Variants in ARL5B observed in about 807,000 individuals in gnomAD.
ARL5B encodes the protein ARF like GTPase 5B.
In ARL5B, 10 loss-of-function variants were observed where a neutral mutation model predicts 26.9. That is an observed-to-expected ratio of 0.37 (90% CI 0.23 to 0.63). ARL5B has a LOEUF of 0.63. ARL5B is among the 30% of genes least tolerant of loss of function. The pLI is 0.62. For synonymous variants in ARL5B, 87 were observed against 70.4 expected (o/e 1.24, Z -1.18); for missense variants, 167 against 213.9 (o/e 0.78, Z 1.37).
intron 3 of ARL5B, among the ~76,000 whole-genome samples, chr10:18,669,875 C>A (rs1294858518): frequency 2.0e-5 from 3 of 151,464 alleles, no homozygotes; most frequent in African/African-American, 2.4e-5. Context: ...GACTTGTAGT[C>A]CCCAGCTACT....
chr10:18,673,254 A>G (rs7082880), intron 4 of ARL5B, among the ~76,000 whole-genome samples: 130,312 of 151,924 alleles, frequency 0.86, 56,287 homozygotes, highest in East Asian at 0.98. Flanking sequence ...TAGAGACAGG[A>G]TTTCACCATC....
At chr10:18,672,347 T>C (rs1447985307) in intron 3 of ARL5B, among the ~76,000 whole-genome samples, 2 of 152,196 alleles carry the variant, frequency 1.3e-5, no homozygotes, top group Admixed American at 6.5e-5. Flanking sequence ...AAACAAATCA[T>C]AGTATTATGT....
In ARL5B at chr10:18,675,402, C is replaced by T; in HGVS notation, c.*186C>T. 5.3e-6 allele frequency: 3 copies of T among 561,384 alleles called. No homozygotes were observed. Among genetic ancestry groups the T allele is most frequent in the Non-Finnish European group, 9.6e-6 (3 of 313,660 alleles). The allele number at this position is 561,384 out of a possible 1,614,324, so 34.8% of individuals were successfully genotyped here. A position where few individuals can be genotyped will look rare whatever the true frequency, so the allele number is the denominator to read the frequency against. ...TTTTCTTAACTTTTTTTTTTTAACA[C>T]ACTAATCTTCAGTTGGATGAATGTA... On this transcript the variant is annotated 3_prime_UTR_variant, in exon 6 of 6. Coordinates refer to ENST00000377275, the MANE Select transcript of ARL5B (RefSeq NM_178815.5).
At position 18,679,208 on chromosome 10, in the gene ARL5B, A is replaced by G. The variant is rs1590232067; in HGVS notation, c.*3992A>G. 2 of 151,940 alleles carry G rather than the reference A, an allele frequency of 1.3e-5. No homozygotes were observed. The highest frequency in any genetic ancestry group is 6.6e-5 in the Admixed American group (1 of 15,246). The allele number at this position is 151,940 out of a possible 1,614,324, so 9.4% of individuals were successfully genotyped here. On this transcript the variant is annotated 3_prime_UTR_variant, in exon 6 of 6. Transcript: ENST00000377275. Reference sequence around the variant, plus strand: ...AGAGAAAACAAGCCATATTGCTAAGAAAAGGATAGTAAGCTGCTTAGAAAG... The same window carrying G: ...AGAGAAAACAAGCCATATTGCTAAGGAAAGGATAGTAAGCTGCTTAGAAAG...
intron 1 of ARL5B, among the ~76,000 whole-genome samples, chr10:18,665,189 A>C (rs1013340826): frequency 6.6e-6 from 1 of 152,184 alleles, no homozygotes; most frequent in Non-Finnish European, 1.5e-5. Flanking sequence ...ATTAGAGGAC[A>C]TGTAGCCAAG....
At chr10:18,661,177 A>G (rs1007887907) in intron 1 of ARL5B, among the ~76,000 whole-genome samples, 1 of 152,252 alleles carries the variant, frequency 6.6e-6, no homozygotes, top group Admixed American at 6.5e-5. Flanking sequence ...ACATGCTTAA[A>G]GGTATAAAGA....
At position 18,676,076 on chromosome 10, in the gene ARL5B, T is replaced by C. The variant is rs1441351907; in HGVS notation, c.*860T>C. Reference sequence around the variant, plus strand: ...ATTGGAATATATTTTAGCATCAGTTTACAAACAACTTTATTATCAACAGAA... The same window carrying C: ...ATTGGAATATATTTTAGCATCAGTTCACAAACAACTTTATTATCAACAGAA... On this transcript the variant is annotated 3_prime_UTR_variant, in exon 6 of 6. Transcript: ENST00000377275. The C allele has an allele frequency of 6.6e-6, 1 of 152,418 alleles. No homozygotes were observed. Among genetic ancestry groups the C allele is most frequent in the Non-Finnish European group, 1.5e-5 (1 of 67,928 alleles). 9.4% of individuals were successfully genotyped at this position (152,418 alleles called of 1,614,324 possible).
intron 3 of ARL5B, among the ~76,000 whole-genome samples, chr10:18,672,345 C>A (rs2059891713): frequency 6.6e-6 from 1 of 152,070 alleles, no homozygotes. Flanking sequence ...GAAAACAAAT[C>A]ATAGTATTAT....
In ARL5B at chr10:18,681,536, C is replaced by G. The variant is rs1173717393; in HGVS notation, c.*6320C>G. 6.6e-6 allele frequency: 1 copy of G among 152,108 alleles called. No homozygotes were observed. Among genetic ancestry groups the G allele is most frequent in the African/African-American group, 2.4e-5 (1 of 41,418 alleles). 9.4% of individuals were successfully genotyped at this position (152,108 alleles called of 1,614,324 possible). A position where few individuals can be genotyped will look rare whatever the true frequency, so the allele number is the denominator to read the frequency against. ...TGCTCTGGAATGTTCATCTTTTAGA[C>G]AGGTTTTGGCTCATTTCCAATCATG... On this transcript the variant is annotated 3_prime_UTR_variant, in exon 6 of 6. Coordinates refer to ENST00000377275, the MANE Select transcript of ARL5B (RefSeq NM_178815.5).
At chr10:18,665,702 C>G (rs139966367) in intron 1 of ARL5B, among the ~76,000 whole-genome samples, 132 of 152,306 alleles carry the variant, frequency 8.7e-4, no homozygotes, top group African/African-American at 3.0e-3. Context: ...TCTGTGGAAA[C>G]TTCCCTACTT....
chr10:18,681,042 T>C lies in ARL5B; in HGVS notation c.*5826T>C, dbSNP rs1003470603. ...TACAAACTGTTGTTACTCCTTAAGC[T>C]TCAGGCTTTCTGCGAAAGCTCTAAG... On this transcript the variant is annotated 3_prime_UTR_variant, in exon 6 of 6. Coordinates refer to ENST00000377275, the MANE Select transcript of ARL5B (RefSeq NM_178815.5). 1.3e-5 allele frequency: 2 copies of C among 152,160 alleles called. No homozygotes were observed. Among genetic ancestry groups the C allele is most frequent in the Non-Finnish European group, 2.9e-5 (2 of 68,012 alleles). 9.4% of individuals were successfully genotyped at this position (152,160 alleles called of 1,614,324 possible).
At position 18,675,462 on chromosome 10, in the gene ARL5B, T is replaced by TTAATTTTATTTATTTATTAA. The variant is rs2059906566; in HGVS notation, c.*247_*248insAATTTTATTTATTTATTAAT. On this transcript the variant is annotated 3_prime_UTR_variant, in exon 6 of 6. Coordinates refer to ENST00000377275, the MANE Select transcript of ARL5B (RefSeq NM_178815.5). ...TATGTTTTCAGCAACAATTCTTCTG[T>TTAATTTTATTTATTTATTAA]TTATTCTAATTAATCAGTGACTGCC... 2.3e-6 allele frequency: 1 copy of TTAATTTTATTTATTTATTAA among 435,584 alleles called. No individual in the cohort carries two copies. Among genetic ancestry groups the TTAATTTTATTTATTTATTAA allele is most frequent in the Non-Finnish European group, 4.2e-6 (1 of 240,310 alleles). 27.0% of individuals were successfully genotyped at this position (435,584 alleles called of 1,614,324 possible). A position where few individuals can be genotyped will look rare whatever the true frequency, so the allele number is the denominator to read the frequency against.
chr10:18,668,769 CCT>C, intron 3 of ARL5B, 92 bp downstream of exon 3: 1 of 1,167,194 alleles, frequency 8.6e-7, no homozygotes, highest in South Asian at 1.8e-5. Context: ...TTGACAGTTG[CCT>C]TTTTTTTTTT....
chr10:18,661,424 G>A (rs1342819690), intron 1 of ARL5B, among the ~76,000 whole-genome samples: 1 of 152,134 alleles, frequency 6.6e-6, no homozygotes. Flanking sequence ...TTTTATACTC[G>A]CATAATTGTT....
rs1340086719 is a variant in ARL5B, at chr10:18,677,368, A to G, written c.*2152A>G. On this transcript the variant is annotated 3_prime_UTR_variant, in exon 6 of 6. Transcript: ENST00000377275. Reference sequence around the variant, plus strand: ...CTCAAATTTGCTATTTAATTTTTAAAATACAATTTATTTTGTAAATCCTTT... The same window carrying G: ...CTCAAATTTGCTATTTAATTTTTAAGATACAATTTATTTTGTAAATCCTTT... The G allele has an allele frequency of 6.6e-6, 1 of 152,292 alleles. No homozygotes were observed. The highest frequency in any genetic ancestry group is 2.1e-4 in the South Asian group (1 of 4,832). 9.4% of individuals were successfully genotyped at this position (152,292 alleles called of 1,614,324 possible).
chr10:18,664,551 C>CTTCAACCT (rs991827245), intron 1 of ARL5B, among the ~76,000 whole-genome samples: 4 of 146,340 alleles, frequency 2.7e-5, no homozygotes, highest in Non-Finnish European at 5.9e-5. Flanking sequence ...CATTCTTCTG[C>CTTCAACCT]TTCAACCTCC....
Position 18,677,431 on chromosome 10 carries a change from A to G in ARL5B, c.*2215A>G, listed in dbSNP as rs984242253. ...GTTAGTTTTGGATTAGAAATGATTTATGTTAGCCATGTGTTGAAGATGAAA... is the reference window on the plus strand; with the variant it reads ...GTTAGTTTTGGATTAGAAATGATTTGTGTTAGCCATGTGTTGAAGATGAAA... On this transcript the variant is annotated 3_prime_UTR_variant, in exon 6 of 6. Coordinates refer to ENST00000377275, the MANE Select transcript of ARL5B (RefSeq NM_178815.5). 1.3e-5 allele frequency: 2 copies of G among 152,292 alleles called. No individual in the cohort carries two copies. Among genetic ancestry groups the G allele is most frequent in the Admixed American group, 6.6e-5 (1 of 15,234 alleles). 9.4% of individuals were successfully genotyped at this position (152,292 alleles called of 1,614,324 possible). A position where few individuals can be genotyped will look rare whatever the true frequency, so the allele number is the denominator to read the frequency against.
At chr10:18,662,435 G>A (rs575626277) in intron 1 of ARL5B, among the ~76,000 whole-genome samples, 1 of 152,132 alleles carries the variant, frequency 6.6e-6, no homozygotes, top group African/African-American at 2.4e-5. Flanking sequence ...GTTAATTCCT[G>A]CAATTTTGTA....
At chr10:18,666,346 C>T (rs1468974514) in intron 1 of ARL5B, among the ~76,000 whole-genome samples, 1 of 152,234 alleles carries the variant, frequency 6.6e-6, no homozygotes, top group Non-Finnish European at 1.5e-5. Flanking sequence ...GCCTACCCAT[C>T]TCCCACATTC....
Sources: allele counts gnomAD v4.1 joint callset (sites outside exome capture counted in the v4.1 genomes callset), GRCh38; gene constraint gnomAD v4.1.1; transcripts MANE v1.5; gene names NCBI Gene and HGNC (gene_info 2026-07-23, HGNC 2026-07-21).